Variants in TPTE2 observed in about 807,000 individuals in gnomAD.
TPTE2 encodes phosphatidylinositol 3,4,5-trisphosphate 3-phosphatase TPTE2.
A neutral mutation model predicts 78.6 loss-of-function variants in TPTE2; 53 were observed. That is an observed-to-expected ratio of 0.67 (90% confidence interval 0.54 to 0.85). TPTE2 has a LOEUF of 0.85. TPTE2 is among the 40% of genes least tolerant of loss of function. TPTE2 has a pLI of 0.00. For missense variants in TPTE2, 461 were observed against 623.0 expected (o/e 0.74, Z 2.77); for synonymous variants, 175 against 206.2 (o/e 0.85, Z 1.30).
chr13:19,498,213 GAA>G (rs1380890910), intron 1 of TPTE2, among the ~76,000 whole-genome samples: 10 of 152,088 alleles, frequency 6.6e-5, no homozygotes, highest in Non-Finnish European at 1.0e-4. Flanking sequence ...AACCAAGTTG[GAA>G]AAAACACTGC....
At chr13:19,495,291 G>C (rs1881236949) in intron 1 of TPTE2, among the ~76,000 whole-genome samples, 2 of 152,170 alleles carry the variant, frequency 1.3e-5, no homozygotes, top group Non-Finnish European at 2.9e-5. Context: ...GCTCTGGAGG[G>C]GGTGAAATAA....
At chr13:19,435,208 C>G (rs992308496) in intron 15 of TPTE2, among the ~76,000 whole-genome samples, 3 of 152,102 alleles carry the variant, frequency 2.0e-5, no homozygotes, top group Non-Finnish European at 4.4e-5. Flanking sequence ...ACTAAATTTT[C>G]AAAGATTTTA....
At chr13:19,546,753 G>GCA in the TPTE2 span, among the ~76,000 whole-genome samples, 1 of 151,862 alleles carries the variant, frequency 6.6e-6, no homozygotes, top group African/African-American at 2.4e-5. Context: ...GCCTCCAAAA[G>GCA]TGCTGGGACT....
At chr13:19,469,202 C>T (rs753872188) in intron 6 of TPTE2, among the ~76,000 whole-genome samples, 28 of 152,136 alleles carry the variant, frequency 1.8e-4, no homozygotes, top group Non-Finnish European at 3.2e-4. Flanking sequence ...TTTTTGTATA[C>T]GGTGAGAGGT....
In TPTE2 at chr13:19,426,455, A is replaced by G. The variant is rs370094123; in HGVS notation, c.1365T>C (p.Tyr455=). ...AGAAAAACTGCACTTTCACATCATC[A>G]TACAGAGGTGGACCGTCATATACAT... is the stretch of plus-strand genomic sequence containing the variant. The change falls in exon 18 of 20, where the codon TAT becomes TAC. Residue 455 remains tyrosine (Y), a synonymous_variant. Coordinates refer to ENST00000400230, the Ensembl canonical transcript of TPTE2. The G allele has an allele frequency of 1.1e-4, 174 of 1,607,466 alleles. 1 individual carries two copies. In the South Asian group the frequency reaches 1.1e-3, roughly 10 times the overall value.
upstream of TPTE2, among the ~76,000 whole-genome samples, chr13:19,540,203 A>G (rs901521978): frequency 1.3e-5 from 2 of 151,940 alleles, no homozygotes; most frequent in Non-Finnish European, 2.9e-5. Flanking sequence ...TTAAATCTAG[A>G]GATTAATGTG....
chr13:19,553,413 T>C, the TPTE2 span, among the ~76,000 whole-genome samples: 1 of 152,162 alleles, frequency 6.6e-6, no homozygotes, highest in Non-Finnish European at 1.5e-5. Context: ...AATATATCTA[T>C]TATTCAACAT....
chr13:19,497,118 A>C (rs1881376469), intron 1 of TPTE2, among the ~76,000 whole-genome samples: 1 of 151,992 alleles, frequency 6.6e-6, no homozygotes, highest in African/African-American at 2.4e-5. Flanking sequence ...GCACCGCGAG[A>C]TTATATCCCG....
At chr13:19,430,849 G>A (rs111876421) in intron 16 of TPTE2, among the ~76,000 whole-genome samples, 49 of 152,186 alleles carry the variant, frequency 3.2e-4, no homozygotes, top group African/African-American at 8.4e-4. Context: ...AAGCTAGGCC[G>A]GGCATGGTGG....
chr13:19,516,642 T>C (rs1249324631), intron 1 of TPTE2, among the ~76,000 whole-genome samples: 1 of 152,196 alleles, frequency 6.6e-6, no homozygotes, highest in Non-Finnish European at 1.5e-5. Context: ...TTAATTGCAA[T>C]GGGACCACTG....
chr13:19,504,296 T>G (rs1364098314), upstream of TPTE2, among the ~76,000 whole-genome samples: 1 of 152,114 alleles, frequency 6.6e-6, no homozygotes, highest in South Asian at 2.1e-4. Flanking sequence ...ACAAATCCCC[T>G]TGACCTCATC....
intron 1 of TPTE2, among the ~76,000 whole-genome samples, chr13:19,520,625 C>A (rs1870091333): frequency 6.6e-6 from 1 of 151,498 alleles, no homozygotes; most frequent in Admixed American, 6.6e-5. Context: ...TTTATTATAT[C>A]CTTGCTTTAC....
In TPTE2 at chr13:19,480,010, A is replaced by G. The variant is rs562069274; in HGVS notation, c.179+2478T>C. On this transcript the variant is annotated intron_variant, in intron 4 of 19. Transcript: ENST00000400230. The stretch of plus-strand genomic sequence containing the variant: ...AAGATATGAGATACTAAACCTTAAA[A>G]CACTAAAAGTTCCAATATTAATATC... Among the ~76,000 whole-genome samples the G allele has an allele frequency of 2.8e-4, 42 of 152,234 alleles. No homozygotes were observed. In the South Asian group the frequency reaches 2.9e-3, roughly 11 times the overall value.
chr13:19,524,071 G>A (rs1387783466), intron 1 of TPTE2, among the ~76,000 whole-genome samples: 2 of 152,130 alleles, frequency 1.3e-5, no homozygotes, highest in African/African-American at 4.8e-5. Flanking sequence ...CACATTCCTG[G>A]GAATCTGTTC....
intron 3 of TPTE2, 48 bp from the exon 7 acceptor site, chr13:19,482,595 T>C: frequency 1.3e-6 from 2 of 1,597,818 alleles, no homozygotes; most frequent in Admixed American, 1.7e-5. Flanking sequence ...AGATATTTGC[T>C]ACACAAAATA....
At chr13:19,523,549 C>G (rs992604511) in intron 1 of TPTE2, among the ~76,000 whole-genome samples, 2 of 152,066 alleles carry the variant, frequency 1.3e-5, no homozygotes, top group African/African-American at 4.8e-5. Context: ...GATCTTGGCT[C>G]ACTGCAACCT....
At chr13:19,476,092 T>C (rs1198260978) in intron 4 of TPTE2, among the ~76,000 whole-genome samples, 2 of 152,114 alleles carry the variant, frequency 1.3e-5, no homozygotes, top group Admixed American at 1.3e-4. Flanking sequence ...CTCCTCAAAC[T>C]AGACACCTAG....
chr13:19,481,149 G>A (rs1336958220), intron 4 of TPTE2, among the ~76,000 whole-genome samples: 1 of 152,226 alleles, frequency 6.6e-6, no homozygotes, highest in African/African-American at 2.4e-5. Context: ...ACTTAGAAGT[G>A]CATGCATCAA....
exon 13 of TPTE2, chr13:19,450,139 C>A: frequency 1.2e-6 from 2 of 1,611,320 alleles, no homozygotes; most frequent in Non-Finnish European, 1.7e-6. Flanking sequence ...CACTCATTTA[C>A]TTCCTTGGTG....
Sources: gnomAD v4.1 joint callset for allele counts (sites outside exome capture counted in the v4.1 genomes callset) on GRCh38, gnomAD v4.1.1 for gene constraint, MANE v1.5 for transcripts, NCBI Gene and HGNC (gene_info 2026-07-23, HGNC 2026-07-21) for gene names.